The following ADAMTS16 variants were observed in gnomAD, a reference collection of about 807,000 sequenced individuals.
ADAMTS16 encodes A disintegrin and metalloproteinase with thrombospondin motifs 16.
Under a neutral mutation model 145.8 loss-of-function variants are expected in ADAMTS16, and 94 were observed. The ratio of observed to expected loss-of-function variants is 0.64; its 90% confidence interval spans 0.55 to 0.77. ADAMTS16 has a LOEUF of 0.77. Among genes scored for constraint, ADAMTS16 ranks in the 30% least tolerant of loss-of-function variants. The pLI, the probability that ADAMTS16 is intolerant of heterozygous loss-of-function variation, is 0.00. For synonymous variants in ADAMTS16, 659 were observed against 604.3 expected, an observed-to-expected ratio of 1.09 and a Z score of -1.33; for missense variants, 1,585 against 1,591.5, an observed-to-expected ratio of 1.00 and a Z score of 0.07.
At chr5:5,184,893 G>A (rs1411890386) in intron 4 of ADAMTS16, among the ~76,000 whole-genome samples, 1 of 152,144 alleles carries the variant, frequency 6.6e-6, no homozygotes, top group Non-Finnish European at 1.5e-5. Context: ...TTCCACCAGG[G>A]GTAATTAAGA....
At chr5:5,223,101 A>C (rs1465291803) in intron 11 of ADAMTS16, 1 of 542,414 alleles carries the variant, frequency 1.8e-6, no homozygotes, top group Non-Finnish European at 3.3e-6. Context: ...AGCTACCTGG[A>C]ATTCATAGAC....
rs927734876 is a variant in ADAMTS16 at position 5,299,023 on chromosome 5, C to T, written c.2790-4245C>T. The stretch of plus-strand genomic sequence containing the variant: ...TGCTGTATTCTAATGTTGCGTCTCA[C>T]GGCATCCAGCACCCGCCACTCTGGA... On this transcript the variant is annotated intron_variant, in intron 18 of 22. Coordinates refer to ENST00000274181, the MANE Select transcript of ADAMTS16 (RefSeq NM_139056.4). 3.3e-5 allele frequency among the ~76,000 whole-genome samples: 5 copies of T among 151,984 alleles called. No individual in the cohort carries two copies. In the South Asian group the frequency reaches 6.2e-4, roughly 19 times the overall value.
chr5:5,244,106 G>A (rs1737372510), intron 17 of ADAMTS16, among the ~76,000 whole-genome samples: 1 of 152,182 alleles, frequency 6.6e-6, no homozygotes, highest in Admixed American at 6.5e-5. Context: ...AGCCTTCCTT[G>A]TAAAAACCTG....
At chr5:5,226,429 C>T (rs553536972) in intron 11 of ADAMTS16, among the ~76,000 whole-genome samples, 1 of 152,248 alleles carries the variant, frequency 6.6e-6, no homozygotes, top group African/African-American at 2.4e-5. Context: ...GAAAGACCCG[C>T]CCCCATGATT....
intron 17 of ADAMTS16, among the ~76,000 whole-genome samples, chr5:5,252,863 C>T (rs1246247387): frequency 1.3e-5 from 2 of 152,284 alleles, no homozygotes; most frequent in South Asian, 4.1e-4. Flanking sequence ...TCCCCTGTTA[C>T]TCATCTTTTC....
At chr5:5,142,783 A>T (rs985916966) in intron 2 of ADAMTS16, among the ~76,000 whole-genome samples, 2 of 152,162 alleles carry the variant, frequency 1.3e-5, no homozygotes, top group African/African-American at 4.8e-5. Context: ...GGTGTCACAC[A>T]CTACCTACCT....
intron 3 of ADAMTS16, among the ~76,000 whole-genome samples, chr5:5,153,189 T>C (rs140083927): frequency 1.1e-4 from 16 of 152,354 alleles, no homozygotes; most frequent in African/African-American, 3.8e-4. Flanking sequence ...AGTGCCATCT[T>C]CCTCAGCATC....
chr5:5,287,856 C>G (rs779273780), intron 18 of ADAMTS16, among the ~76,000 whole-genome samples: 1 of 152,180 alleles, frequency 6.6e-6, no homozygotes, highest in Non-Finnish European at 1.5e-5. Flanking sequence ...GGCCCAGACC[C>G]TCACAGCCCA....
rs558327845 is a variant in ADAMTS16 at position 5,189,342 on chromosome 5, C to G, written c.1048-629C>G. ...AATGTTCTACGCTCTGTTACTTCAT[C>G]GTTGCGTTATCTGAACCTAATGGAG... On this transcript the variant is annotated intron_variant, in intron 6 of 22. Transcript: ENST00000274181. 2.6e-5 allele frequency among the ~76,000 whole-genome samples: 4 copies of G among 152,288 alleles called. No individual in the cohort carries two copies. The East Asian group carries it at 7.7e-4, about 29-fold the overall frequency.
At chr5:5,267,960 G>A (rs1403206448) in intron 18 of ADAMTS16, among the ~76,000 whole-genome samples, 1 of 152,164 alleles carries the variant, frequency 6.6e-6, no homozygotes, top group East Asian at 1.9e-4. Context: ...ATAGGTGTTC[G>A]TAGGAGACAC....
At chr5:5,198,823 T>C (rs1327135315) in intron 8 of ADAMTS16, among the ~76,000 whole-genome samples, 4 of 152,326 alleles carry the variant, frequency 2.6e-5, no homozygotes, top group Non-Finnish European at 5.9e-5. Flanking sequence ...TACACTGGTG[T>C]CTTCCTGTCC....
chr5:5,259,313 T>C (rs953499962), intron 17 of ADAMTS16, among the ~76,000 whole-genome samples: 1 of 152,230 alleles, frequency 6.6e-6, no homozygotes, highest in Non-Finnish European at 1.5e-5. Flanking sequence ...CACTCAGGCT[T>C]CTGCAGATTC....
intron 17 of ADAMTS16, among the ~76,000 whole-genome samples, chr5:5,251,465 T>C (rs923502390): frequency 6.6e-5 from 10 of 152,210 alleles, no homozygotes; most frequent in African/African-American, 1.9e-4. Context: ...TCCTTAGAAA[T>C]TACAAATATT....
At chr5:5,297,340 C>T (rs1043428120) in intron 18 of ADAMTS16, among the ~76,000 whole-genome samples, 1 of 152,206 alleles carries the variant, frequency 6.6e-6, no homozygotes, top group Non-Finnish European at 1.5e-5. Flanking sequence ...GTGCGTTGCT[C>T]TTTCTTCCAG....
Position 5,303,666 on chromosome 5 carries a change from T to C in ADAMTS16, c.3086T>C (p.Val1029Ala). 1.2e-6 allele frequency: 2 copies of C among 1,613,938 alleles called. No individual in the cohort carries two copies. Among genetic ancestry groups the C allele is most frequent in the Non-Finnish European group, 1.7e-6 (2 of 1,180,024 alleles). The part of the protein sequence containing the change: ...SARAQLLPDA[V>A]CTSEPKPRMH... ...AGAGCGCAGCTGCTGCCCGACGCTG[T>C]CTGCACCTCCGAGCCCAAGCCCAGG... is the stretch of plus-strand genomic sequence containing the variant. Residue 1029 changes from valine to alanine, a missense_variant, in exon 20 of 23, where the codon GTC becomes GCC. By Grantham distance (64) the Val-to-Ala change is moderately conservative. This residue lies in a region of ADAMTS16 where 834 missense variants were observed against 811.7 expected (regional missense o/e 1.03). Coordinates refer to ENST00000274181, the MANE Select transcript of ADAMTS16 (RefSeq NM_139056.4).
At chr5:5,183,512 G>C (rs992344556) in intron 4 of ADAMTS16, among the ~76,000 whole-genome samples, 14 of 152,190 alleles carry the variant, frequency 9.2e-5, no homozygotes, top group African/African-American at 2.7e-4. Context: ...CACACACCTG[G>C]ATCTCAGCAG....
chr5:5,311,767 G>T (rs1579417631), intron 21 of ADAMTS16, among the ~76,000 whole-genome samples: 1 of 148,842 alleles, frequency 6.7e-6, no homozygotes, highest in East Asian at 2.0e-4. Context: ...GTCTCACTTT[G>T]TCACCCAGGC....
At chr5:5,196,147 A>T (rs1244065404) in intron 8 of ADAMTS16, among the ~76,000 whole-genome samples, 1 of 149,196 alleles carries the variant, frequency 6.7e-6, no homozygotes, top group Non-Finnish European at 1.5e-5. Context: ...AACCTCAGGA[A>T]GTAGAACTTG....
At chr5:5,303,192 T>G in intron 18 of ADAMTS16, 76 bp from the exon 19 acceptor site, 1 of 1,419,770 alleles carries the variant, frequency 7.0e-7, no homozygotes, top group Non-Finnish European at 9.3e-7. Flanking sequence ...CGCCGCTGCC[T>G]CCACATCAGA....
Sources: gnomAD v4.1 joint callset for allele counts (sites outside exome capture counted in the v4.1 genomes callset) on GRCh38, gnomAD v4.1.1 for gene constraint, gnomAD v4.1.1 regional missense constraint, MANE v1.5 for transcripts, NCBI Gene and HGNC (gene_info 2026-07-23, HGNC 2026-07-21) for gene names.